GRID2: variants seen among roughly 807,000 people sequenced by gnomAD.
GRID2 encodes glutamate ionotropic receptor delta type subunit 2.
In GRID2, 33 loss-of-function variants were observed where a neutral mutation model predicts 114.8. The ratio of observed to expected loss-of-function variants is 0.29; its 90% confidence interval spans 0.22 to 0.38. The LOEUF is 0.38. GRID2 is among the 10% of genes least tolerant of loss of function. GRID2 has a pLI of 1.00. For missense variants in GRID2, 1,184 were observed against 1,257.7 expected (o/e 0.94, Z 0.89); for synonymous variants, 505 against 449.9 (o/e 1.12, Z -1.55).
chr4:93,231,718 T>C (rs1746172602), intron 7 of GRID2, among the ~76,000 whole-genome samples: 1 of 152,150 alleles, frequency 6.6e-6, no homozygotes, highest in African/African-American at 2.4e-5. Context: ...TATGAAGGGT[T>C]ATCTACAGAC....
intron 14 of GRID2, among the ~76,000 whole-genome samples, chr4:93,705,373 C>T (rs1481876428): frequency 6.7e-6 from 1 of 149,912 alleles, no homozygotes; most frequent in Non-Finnish European, 1.5e-5. Context: ...CTGTGTCGCT[C>T]AGGTTGGAGT....
At chr4:93,365,675 GA>G (rs1279523703) in intron 8 of GRID2, among the ~76,000 whole-genome samples, 1 of 152,100 alleles carries the variant, frequency 6.6e-6, no homozygotes, top group Non-Finnish European at 1.5e-5. Context: ...AAAGTCTCTG[GA>G]TACTAATAAA....
intron 14 of GRID2, among the ~76,000 whole-genome samples, chr4:93,670,201 T>C (rs1037098312): frequency 3.3e-5 from 5 of 152,210 alleles, no homozygotes; most frequent in African/African-American, 9.6e-5. Context: ...AATGATAATA[T>C]GGTTTTTTAC....
intron 14 of GRID2, among the ~76,000 whole-genome samples, chr4:93,715,687 G>A (rs755525974): frequency 6.6e-6 from 1 of 152,006 alleles, no homozygotes; most frequent in African/African-American, 2.4e-5. Flanking sequence ...TATTCTTTTT[G>A]TGGCAGTTGT....
chr4:93,791,370 A>G, intron 1 of GRID2, among the ~76,000 whole-genome samples: 1 of 152,224 alleles, frequency 6.6e-6, no homozygotes, highest in African/African-American at 2.4e-5. Flanking sequence ...AACTTTAAGA[A>G]CTTAAGGAAA....
intron 4 of GRID2, among the ~76,000 whole-genome samples, chr4:93,133,408 T>C (rs1020313876): frequency 1.3e-5 from 2 of 152,208 alleles, no homozygotes; most frequent in African/African-American, 4.8e-5. Context: ...TTTTGTGCTA[T>C]GTTTCTAAAT....
At chr4:93,443,428 A>C (rs539629861) in intron 10 of GRID2, among the ~76,000 whole-genome samples, 1 of 152,182 alleles carries the variant, frequency 6.6e-6, no homozygotes, top group African/African-American at 2.4e-5. Context: ...TGAAAAAAAT[A>C]GAGCAATGAA....
intron 2 of GRID2, among the ~76,000 whole-genome samples, chr4:93,039,266 A>G (rs1293887469): frequency 6.6e-6 from 1 of 151,914 alleles, no homozygotes; most frequent in African/African-American, 2.4e-5. Flanking sequence ...GGAGTTGAAC[A>G]ATGAGAACAC....
chr4:92,955,626 C>T (rs1295633997), intron 2 of GRID2, among the ~76,000 whole-genome samples: 39 of 151,560 alleles, frequency 2.6e-4, no homozygotes, highest in Admixed American at 1.1e-3. Context: ...TTTAATTAGA[C>T]CCCATTTGTC....
chr4:93,290,872 CTTTTTTTTTT>C (rs56735687), intron 8 of GRID2, among the ~76,000 whole-genome samples: 52 of 88,532 alleles, frequency 5.9e-4, no homozygotes, highest in Non-Finnish European at 7.9e-4. Flanking sequence ...ATACAAGTTA[CTTTTTTTTTT>C]TTTTTTTTTT....
intron 2 of GRID2, among the ~76,000 whole-genome samples, chr4:92,636,041 C>A (rs938860940): frequency 1.3e-5 from 2 of 151,960 alleles, no homozygotes; most frequent in Non-Finnish European, 2.9e-5. Flanking sequence ...GCCTGTCTTG[C>A]ATAGGTCTTT....
intron 2 of GRID2, among the ~76,000 whole-genome samples, chr4:92,950,523 C>T (rs1026131121): frequency 6.6e-6 from 1 of 152,092 alleles, no homozygotes; most frequent in African/African-American, 2.4e-5. Flanking sequence ...CCTTTACTCC[C>T]CTGATGCTTC....
chr4:93,456,817 C>T (rs987005271), intron 11 of GRID2, among the ~76,000 whole-genome samples: 1 of 152,108 alleles, frequency 6.6e-6, no homozygotes, highest in Non-Finnish European at 1.5e-5. Context: ...CTTGGACCTT[C>T]CATTTAACTT....
chr4:93,606,630 T>G (rs2149652367), intron 13 of GRID2, among the ~76,000 whole-genome samples: 1 of 152,332 alleles, frequency 6.6e-6, no homozygotes, highest in East Asian at 1.9e-4. Flanking sequence ...TCTAGCAATT[T>G]TATCATAAAT....
At position 93,490,652 on chromosome 4, in the gene GRID2, G is replaced by T; in HGVS notation, c.1872G>T (p.Pro624=). The T allele has an allele frequency of 6.2e-7, 1 of 1,608,012 alleles. No individual in the cohort carries two copies. Among genetic ancestry groups the T allele is most frequent in the East Asian group, 2.2e-5 (1 of 44,744 alleles). ...GSFVQQGGEV[P]YTTLATRMMM... ...TTCTTTCTACAGGCGGGGAAGTCCC[G>T]TACACGACTCTGGCTACCCGAATGA... The change falls in exon 12 of 16, where the codon CCG becomes CCT. Residue 624 remains proline (P), a synonymous_variant. Transcript: ENST00000282020.
intron 13 of GRID2, among the ~76,000 whole-genome samples, chr4:93,526,168 C>T (rs573534117): frequency 1.6e-4 from 25 of 152,218 alleles, no homozygotes; most frequent in Non-Finnish European, 2.9e-4. Context: ...TAGTTTCTCC[C>T]GTGCTGTTCT....
chr4:93,737,801 A>T (rs1233536369), intron 14 of GRID2, among the ~76,000 whole-genome samples: 1 of 152,168 alleles, frequency 6.6e-6, no homozygotes, highest in African/African-American at 2.4e-5. Context: ...GTTTCTTATC[A>T]GCATGAAACC....
At chr4:93,422,149 C>T (rs1768352249) in intron 9 of GRID2, among the ~76,000 whole-genome samples, 1 of 152,128 alleles carries the variant, frequency 6.6e-6, no homozygotes, top group East Asian at 1.9e-4. Context: ...GAAGCAGAAA[C>T]CAATTTGCTA....
intron 4 of GRID2, among the ~76,000 whole-genome samples, chr4:93,130,421 A>G (rs1734692334): frequency 6.6e-6 from 1 of 152,200 alleles, no homozygotes; most frequent in African/African-American, 2.4e-5. Flanking sequence ...TCCAGCCTGG[A>G]GTACAGAGCA....
Sources: allele counts gnomAD v4.1 joint callset (sites outside exome capture counted in the v4.1 genomes callset), GRCh38; gene constraint gnomAD v4.1.1; transcripts MANE v1.5; gene names NCBI Gene and HGNC (gene_info 2026-07-23, HGNC 2026-07-21).